The following OPCML variants were observed in gnomAD, a reference collection of about 807,000 sequenced individuals.
The protein encoded by OPCML is opioid binding protein/cell adhesion molecule like, also known as opioid-binding protein/cell adhesion molecule.
In OPCML, 13 loss-of-function variants were observed where a neutral mutation model predicts 37.8. The ratio of observed to expected loss-of-function variants is 0.34; its 90% CI spans 0.22 to 0.55. The LOEUF is 0.55. Among genes scored for constraint, OPCML ranks in the 20% least tolerant of loss-of-function variants. OPCML has a pLI of 0.91. For missense variants in OPCML, 341 were observed against 435.6 expected (o/e 0.78, Z 1.93); for synonymous variants, 176 against 168.8 (o/e 1.04, Z -0.33).
chr11:133,072,908 G>C (rs1948560285), intron 1 of OPCML, among the ~76,000 whole-genome samples: 2 of 152,232 alleles, frequency 1.3e-5, no homozygotes, highest in Non-Finnish European at 2.9e-5. Context: ...AACATTGCCT[G>C]AGACAAGGGT....
chr11:133,129,313 T>C (rs1433259111), intron 1 of OPCML, among the ~76,000 whole-genome samples: 3 of 152,090 alleles, frequency 2.0e-5, no homozygotes, highest in Non-Finnish European at 1.5e-5. Flanking sequence ...GGGTTAGTAG[T>C]AGCAGCACAC....
At chr11:133,131,646 G>A (rs1210022372) in intron 1 of OPCML, among the ~76,000 whole-genome samples, 1 of 152,148 alleles carries the variant, frequency 6.6e-6, no homozygotes, top group Non-Finnish European at 1.5e-5. Context: ...CTATGATATA[G>A]CAATAACACC....
chr11:132,840,442 G>A (rs904649300), intron 2 of OPCML, among the ~76,000 whole-genome samples: 3 of 152,124 alleles, frequency 2.0e-5, no homozygotes, highest in South Asian at 2.1e-4. Flanking sequence ...CACTGGGCCC[G>A]TTTTGCTCAT....
chr11:133,271,188 C>T (rs1418969303), intron 1 of OPCML, among the ~76,000 whole-genome samples: 1 of 152,156 alleles, frequency 6.6e-6, no homozygotes, highest in African/African-American at 2.4e-5. Context: ...GTGATAATGC[C>T]TACCTCAAAA....
chr11:133,404,782 T>C (rs944785389), intron 1 of OPCML, among the ~76,000 whole-genome samples: 5 of 152,240 alleles, frequency 3.3e-5, no homozygotes, highest in Non-Finnish European at 4.4e-5. Flanking sequence ...GAGGCAGTAC[T>C]AATTTTTGAA....
chr11:133,031,072 CT>C (rs1224364928), intron 1 of OPCML, among the ~76,000 whole-genome samples: 1 of 152,172 alleles, frequency 6.6e-6, no homozygotes, highest in Non-Finnish European at 1.5e-5. Flanking sequence ...TAAGCACGGG[CT>C]TTGTTAAAAC....
rs983601302 is a variant in OPCML, at chr11:133,086,664, G to A, written c.62-143654C>T. 3.3e-5 allele frequency among the ~76,000 whole-genome samples: 5 copies of A among 152,238 alleles called. No homozygotes were observed. In the South Asian group the frequency reaches 6.2e-4, roughly 19 times the overall value. On this transcript the variant is annotated intron_variant, in intron 1 of 7. Transcript: ENST00000524381. ...TTAAGGAACACATTCATCACCACCC[G>A]TGCTGTACCTTAGGTCCCCAGAAGC... is the stretch of plus-strand genomic sequence containing the variant.
rs376674859 is a variant in OPCML at position 133,452,708 on chromosome 11, A to G, written c.61+79556T>C. Among the ~76,000 whole-genome samples, 256 of 151,810 alleles carry G rather than the reference A, an allele frequency of 1.7e-3. 7 individuals are homozygous for G. The South Asian group carries it at 0.052, about 31-fold the overall frequency. On this transcript the variant is annotated intron_variant, in intron 1 of 7. Coordinates refer to ENST00000524381, the MANE Select transcript of OPCML (RefSeq NM_001012393.5). The stretch of plus-strand genomic sequence containing the variant: ...GACAAAGACAAATCTCAATTCTACT[A>G]CAAACATCTCTACATGACATTGAGT...
chr11:132,457,863 A>T (rs184254907), intron 4 of OPCML, among the ~76,000 whole-genome samples: 1 of 152,220 alleles, frequency 6.6e-6, no homozygotes, highest in East Asian at 1.9e-4. Flanking sequence ...TCATTCAACA[A>T]ATATCAGCTA....
intron 4 of OPCML, among the ~76,000 whole-genome samples, chr11:132,446,503 A>T (rs1375136236): frequency 1.3e-5 from 2 of 152,206 alleles, no homozygotes; most frequent in Admixed American, 1.3e-4. Context: ...AAGTATAAAA[A>T]ATAAACTGAA....
At chr11:132,452,313 G>C (rs562078730) in intron 4 of OPCML, among the ~76,000 whole-genome samples, 3 of 152,110 alleles carry the variant, frequency 2.0e-5, no homozygotes, top group Middle Eastern at 6.8e-3. Context: ...CACCAAGCTG[G>C]GGGAGGATGA....
intron 1 of OPCML, among the ~76,000 whole-genome samples, chr11:133,333,644 T>A (rs1226891509): frequency 6.6e-6 from 1 of 152,148 alleles, no homozygotes; most frequent in Non-Finnish European, 1.5e-5. Context: ...ACAAATGGGA[T>A]CTAATTAAAC....
chr11:133,501,352 AAATT>A (rs1947912162), intron 1 of OPCML, among the ~76,000 whole-genome samples: 1 of 152,174 alleles, frequency 6.6e-6, no homozygotes, highest in Non-Finnish European at 1.5e-5. Flanking sequence ...CACACTGGCA[AAATT>A]AATTAATTAT....
At chr11:133,020,507 G>T (rs567611077) in intron 1 of OPCML, among the ~76,000 whole-genome samples, 1 of 152,296 alleles carries the variant, frequency 6.6e-6, no homozygotes, top group African/African-American at 2.4e-5. Flanking sequence ...AGGAGCAGAG[G>T]GCCAGTGGCT....
At chr11:132,659,241 G>A (rs765555484) in intron 2 of OPCML, among the ~76,000 whole-genome samples, 2 of 152,106 alleles carry the variant, frequency 1.3e-5, no homozygotes, top group South Asian at 2.1e-4. Context: ...GATCTTAAAC[G>A]TTAATGGATC....
At chr11:133,308,544 G>A (rs1228395123) in intron 1 of OPCML, among the ~76,000 whole-genome samples, 2 of 151,956 alleles carry the variant, frequency 1.3e-5, no homozygotes, top group Admixed American at 6.6e-5. Context: ...TATATGGAAA[G>A]GTAGAACAAT....
Position 133,211,037 on chromosome 11 carries a change from C to T in OPCML, c.62-268027G>A, listed in dbSNP as rs1334215104. ...ATTAAAAAAATGTGCAGAGAAGTCT[C>T]TCTACAAACTATAACCACCTAGTAA... is the stretch of plus-strand genomic sequence containing the variant. On this transcript the variant is annotated intron_variant, in intron 1 of 7. Transcript: ENST00000524381. This position sits in a 1 kb window ranked among gnomAD's most constrained non-coding sequence, Gnocchi z 4.1. 1.3e-5 allele frequency among the ~76,000 whole-genome samples: 2 copies of T among 152,188 alleles called. No individual in the cohort carries two copies. Among genetic ancestry groups the T allele is most frequent in the Non-Finnish European group, 2.9e-5 (2 of 68,034 alleles).
chr11:133,154,845 C>G (rs996965075), intron 1 of OPCML, among the ~76,000 whole-genome samples: 21 of 152,040 alleles, frequency 1.4e-4, no homozygotes, highest in African/African-American at 5.1e-4. Flanking sequence ...AGATGAGAAT[C>G]AAAGTTTCTG....
At chr11:132,489,498 C>A (rs2096209513) in intron 4 of OPCML, among the ~76,000 whole-genome samples, 1 of 152,144 alleles carries the variant, frequency 6.6e-6, no homozygotes, top group African/African-American at 2.4e-5. Context: ...ACATGCTGGA[C>A]TTTCACACAA....
Sources: gnomAD v4.1 joint callset for allele counts (sites outside exome capture counted in the v4.1 genomes callset) on GRCh38, gnomAD v4.1.1 for gene constraint, Gnocchi (gnomAD v3.1) non-coding constraint, MANE v1.5 for transcripts, NCBI Gene and HGNC (gene_info 2026-07-23, HGNC 2026-07-21) for gene names.